Variants in MRPS9 observed in about 807,000 individuals in gnomAD.
MRPS9 encodes the protein small ribosomal subunit protein uS9m.
MRPS9 carries 45 observed loss-of-function variants against 59.9 expected under a neutral mutation model. The observed-to-expected ratio is 0.75, with a 90% CI of 0.59 to 0.96. The LOEUF (loss-of-function observed/expected upper bound fraction) is 0.96. Among genes scored for constraint, MRPS9 ranks in the 40% least tolerant of loss-of-function variants. MRPS9 has a pLI of 0.00. For missense variants in MRPS9, 473 were observed against 481.1 expected (o/e 0.98, Z 0.16); for synonymous variants, 171 against 166.8 (o/e 1.03, Z -0.19).
intron 2 of MRPS9, among the ~76,000 whole-genome samples, chr2:105,055,584 C>T (rs6717241): frequency 0.13 from 17,363 of 129,500 alleles, 2,085 homozygotes; most frequent in Middle Eastern, 0.24. Flanking sequence ...TTAAATATAG[C>T]GGACCCCTTT....
intron 4 of MRPS9, among the ~76,000 whole-genome samples, chr2:105,079,546 CT>C (rs1680287527): frequency 6.6e-6 from 1 of 152,090 alleles, no homozygotes; most frequent in South Asian, 2.1e-4. Context: ...AAAATACATT[CT>C]TTAGTTTTCA....
In MRPS9 at chr2:105,045,776, G is replaced by A. The variant is rs140448415; in HGVS notation, c.136-3395G>A. Among the ~76,000 whole-genome samples the A allele has an allele frequency of 5.4e-3, 820 of 152,132 alleles. 14 individuals carry two copies. The highest frequency in any genetic ancestry group is 9.3e-3 in the Non-Finnish European group (631 of 67,934). ...AAATTGACAAAAGATTACAGACATT[G>A]TATGGATATAGATTCCTGTCTGGAA... On this transcript the variant is annotated intron_variant, in intron 1 of 10. Transcript: ENST00000258455.
chr2:105,097,543 C>G, intron 10 of MRPS9: 1 of 411,642 alleles, frequency 2.4e-6, no homozygotes, highest in Non-Finnish European at 4.1e-6. Flanking sequence ...ACTCCCCACA[C>G]TGATTATTTG....
rs149284481 is a variant in MRPS9, at chr2:105,062,675, C to T, written c.316-8638C>T. ...GAAATACACCTCAGTAACATTAGTA[C>T]AGTGCTGAGTTGCATGATTAAAATT... On this transcript the variant is annotated intron_variant, in intron 2 of 10. Transcript: ENST00000258455. Among the ~76,000 whole-genome samples, 469 of 152,276 alleles carry T rather than the reference C, an allele frequency of 3.1e-3. 2 individuals carry two copies. The highest frequency in any genetic ancestry group is 0.011 in the African/African-American group (443 of 41,546).
At chr2:105,049,794 C>A (rs905158862) in intron 2 of MRPS9, among the ~76,000 whole-genome samples, 37 of 152,150 alleles carry the variant, frequency 2.4e-4, no homozygotes, top group African/African-American at 8.0e-4. Flanking sequence ...GAATTCTATT[C>A]ACTCTTGAAT....
In MRPS9 at chr2:105,092,604, T is replaced by C. The variant is rs7590824; in HGVS notation, c.820+35T>C. ...TTCTGTGGAGAGAAAATAAATTCAG[T>C]GAAGGTTGAAAAACTACAATTATTT... On this transcript the variant is annotated intron_variant, in intron 8 of 10. Transcript: ENST00000258455. 12,602 of 1,446,438 alleles carry C rather than the reference T, an allele frequency of 8.7e-3. 967 individuals carry two copies. In the African/African-American group the frequency reaches 0.16, roughly 18 times the overall value. The allele number at this position is 1,446,438 out of a possible 1,614,324, so 89.6% of individuals were successfully genotyped here. A position where few individuals can be genotyped will look rare whatever the true frequency, so the allele number is the denominator to read the frequency against.
intron 4 of MRPS9, among the ~76,000 whole-genome samples, chr2:105,072,583 A>T (rs1304699585): frequency 2.0e-5 from 3 of 152,214 alleles, no homozygotes; most frequent in African/African-American, 7.2e-5. Flanking sequence ...CATAACTATT[A>T]GTAAGCATGA....
intron 5 of MRPS9, among the ~76,000 whole-genome samples, chr2:105,085,320 G>T (rs1680425953): frequency 6.6e-6 from 1 of 152,076 alleles, no homozygotes; most frequent in African/African-American, 2.4e-5. Flanking sequence ...GAGAATTTAA[G>T]AAATTGATTT....
intron 10 of MRPS9, chr2:105,098,469 C>G (rs961210862): frequency 3.9e-5 from 6 of 152,206 alleles, no homozygotes; most frequent in Non-Finnish European, 8.8e-5. Context: ...TCTTAAAAAT[C>G]CATTTGCTTA....
At chr2:105,096,414 C>T (rs943517036) in intron 9 of MRPS9, among the ~76,000 whole-genome samples, 3 of 152,120 alleles carry the variant, frequency 2.0e-5, no homozygotes, top group East Asian at 1.9e-4. Flanking sequence ...TCTTACCTGG[C>T]GTGAAAATGA....
chr2:105,056,544 AG>A (rs1201430082), intron 2 of MRPS9, among the ~76,000 whole-genome samples: 1 of 152,192 alleles, frequency 6.6e-6, no homozygotes, highest in Non-Finnish European at 1.5e-5. Flanking sequence ...AAACTCGTTA[AG>A]TGTGTGAATT....
Position 105,040,779 on chromosome 2 carries a change from C to T in MRPS9, c.135+2552C>T, listed in dbSNP as rs1324365935. ...GATCTATGGTGTACTGTGATATTTA[C>T]AGAGGTAAATACAGAAGAGCACAGA... On this transcript the variant is annotated intron_variant, in intron 1 of 10. Transcript: ENST00000258455. 2.0e-5 allele frequency among the ~76,000 whole-genome samples: 3 copies of T among 152,198 alleles called. No homozygotes were observed. In the East Asian group the frequency reaches 5.8e-4, roughly 29 times the overall value.
At chr2:105,049,461 AG>A (rs1418843394) in intron 2 of MRPS9, 111 bp downstream of exon 2, 48 of 909,586 alleles carry the variant, frequency 5.3e-5, no homozygotes, top group South Asian at 2.7e-4. Context: ...TGTCAGAATA[AG>A]GAAAAATGCT....
At chr2:105,093,238 G>A (rs952320923) in intron 8 of MRPS9, among the ~76,000 whole-genome samples, 5 of 152,076 alleles carry the variant, frequency 3.3e-5, no homozygotes, top group African/African-American at 4.8e-5. Flanking sequence ...GTGGATTCTC[G>A]TAAGGGAAAT....
intron 2 of MRPS9, among the ~76,000 whole-genome samples, chr2:105,064,683 G>A (rs59950294): frequency 0.2 from 29,728 of 152,152 alleles, 3,066 homozygotes; most frequent in Middle Eastern, 0.34. Context: ...GACTAAGGTG[G>A]CACTAAGAGA....
chr2:105,076,574 A>C (rs1231085708), intron 4 of MRPS9, among the ~76,000 whole-genome samples: 1 of 152,244 alleles, frequency 6.6e-6, no homozygotes, highest in Non-Finnish European at 1.5e-5. Context: ...ACTATGCAGA[A>C]GATAACAGAG....
chr2:105,057,471 T>C (rs1679816287), intron 2 of MRPS9, among the ~76,000 whole-genome samples: 1 of 152,156 alleles, frequency 6.6e-6, no homozygotes, highest in South Asian at 2.1e-4. Context: ...TCTTGTTGTT[T>C]AGTGTAAAGA....
intron 2 of MRPS9, among the ~76,000 whole-genome samples, chr2:105,051,261 AT>A (rs1372041775): frequency 6.6e-6 from 1 of 152,172 alleles, no homozygotes; most frequent in African/African-American, 2.4e-5. Context: ...TCTTTTACAT[AT>A]GGACATTCAG....
chr2:105,047,655 T>C (rs1415117365), intron 1 of MRPS9, among the ~76,000 whole-genome samples: 1 of 152,082 alleles, frequency 6.6e-6, no homozygotes, highest in African/African-American at 2.4e-5. Flanking sequence ...AACTACAGGT[T>C]TGAGATCTTA....
Sources: allele counts gnomAD v4.1 joint callset (sites outside exome capture counted in the v4.1 genomes callset), GRCh38; gene constraint gnomAD v4.1.1; transcripts MANE v1.5; gene names NCBI Gene and HGNC (gene_info 2026-07-23, HGNC 2026-07-21).